Variants in PARD3 observed in about 807,000 individuals in gnomAD.
PARD3 encodes partitioning defective 3 homolog.
A neutral mutation model predicts 155.4 loss-of-function variants in PARD3; 75 were observed. That is an observed-to-expected ratio of 0.48 (90% CI 0.40 to 0.58). The LOEUF is 0.58. Among genes scored for constraint, PARD3 ranks in the 20% least tolerant of loss-of-function variants. The pLI is 0.00. For synonymous variants in PARD3, 576 were observed against 610.5 expected (o/e 0.94, Z 0.83); for missense variants, 1,642 against 1,721.7 (o/e 0.95, Z 0.82).
chr10:34,696,162 A>G (rs930281487), intron 2 of PARD3, among the ~76,000 whole-genome samples, 156 bp downstream of exon 2: 1 of 152,134 alleles, frequency 6.6e-6, no homozygotes, highest in African/African-American at 2.4e-5. Context: ...GTGAAGATTC[A>G]TGATACTTAT....
intron 1 of PARD3, among the ~76,000 whole-genome samples, chr10:34,728,696 A>G (rs2094761933): frequency 6.6e-6 from 1 of 152,164 alleles, no homozygotes. Flanking sequence ...GCAGAATACA[A>G]CCATTTCTGT....
chr10:34,199,084 T>A (rs1951088659), intron 22 of PARD3, among the ~76,000 whole-genome samples: 1 of 152,132 alleles, frequency 6.6e-6, no homozygotes. Flanking sequence ...GGACATTACA[T>A]GGCAGGATCC....
intron 5 of PARD3, among the ~76,000 whole-genome samples, chr10:34,442,578 A>G (rs2076522617): frequency 6.6e-6 from 1 of 152,228 alleles, no homozygotes. Context: ...AAAAAAAGAA[A>G]GAAAGAAAAT....
chr10:34,761,998 G>A (rs922089218), intron 1 of PARD3, among the ~76,000 whole-genome samples: 2 of 151,880 alleles, frequency 1.3e-5, no homozygotes, highest in Non-Finnish European at 2.9e-5. Context: ...AGCCACAAAA[G>A]AGCATTCAAT....
intron 4 of PARD3, among the ~76,000 whole-genome samples, chr10:34,459,627 T>C (rs1201161390): frequency 6.6e-6 from 1 of 152,138 alleles, no homozygotes; most frequent in Non-Finnish European, 1.5e-5. Context: ...ATACTTATAG[T>C]GGTTGCCTAA....
chr10:34,145,485 A>AT (rs1315689907), intron 22 of PARD3, among the ~76,000 whole-genome samples: 1 of 151,454 alleles, frequency 6.6e-6, no homozygotes, highest in Admixed American at 6.6e-5. Context: ...CTTTCTCACT[A>AT]TACTGCTCTT....
chr10:34,482,719 T>C (rs1399523625), intron 3 of PARD3, among the ~76,000 whole-genome samples: 2 of 151,950 alleles, frequency 1.3e-5, no homozygotes, highest in Non-Finnish European at 2.9e-5. Flanking sequence ...CATACCTTAA[T>C]GAGCAATGAG....
intron 2 of PARD3, among the ~76,000 whole-genome samples, chr10:34,584,910 C>T (rs2087863859): frequency 6.6e-6 from 1 of 152,074 alleles, no homozygotes; most frequent in African/African-American, 2.4e-5. Flanking sequence ...TTTATCCATC[C>T]CCAGAAACAT....
chr10:34,698,829 C>T (rs550446436), intron 1 of PARD3, among the ~76,000 whole-genome samples: 3 of 152,340 alleles, frequency 2.0e-5, no homozygotes, highest in South Asian at 4.1e-4. Context: ...TTTGTTGACA[C>T]TACTTTACCT....
intron 2 of PARD3, among the ~76,000 whole-genome samples, chr10:34,661,006 T>A (rs960456331): frequency 6.6e-6 from 1 of 152,306 alleles, no homozygotes; most frequent in Non-Finnish European, 1.5e-5. Flanking sequence ...GTTACTTTTT[T>A]AAAAATAGAA....
intron 13 of PARD3, 129 bp from the exon 14 acceptor site, chr10:34,359,446 TGGA>T: frequency 1.5e-6 from 1 of 656,266 alleles, no homozygotes; most frequent in Non-Finnish European, 2.6e-6. Context: ...TTAATCCTAA[TGGA>T]TTATGCCCAA....
intron 23 of PARD3, among the ~76,000 whole-genome samples, chr10:34,124,149 A>C (rs1947154954): frequency 6.6e-6 from 1 of 152,242 alleles, no homozygotes; most frequent in Non-Finnish European, 1.5e-5. Flanking sequence ...TCCTTAAATT[A>C]TGAATGATAA....
chr10:34,224,820 C>T (rs1952505178), intron 22 of PARD3, among the ~76,000 whole-genome samples: 1 of 152,148 alleles, frequency 6.6e-6, no homozygotes, highest in Admixed American at 6.5e-5. Flanking sequence ...AGCACTTATC[C>T]ATCATCCTGT....
intron 10 of PARD3, among the ~76,000 whole-genome samples, chr10:34,376,052 G>C (rs1841201317): frequency 6.6e-6 from 1 of 151,944 alleles, no homozygotes; most frequent in Non-Finnish European, 1.5e-5. Context: ...TCAAACAAAA[G>C]AAAGTGAAAA....
chr10:34,122,033 C>T (rs993342071), intron 23 of PARD3, among the ~76,000 whole-genome samples: 2 of 152,210 alleles, frequency 1.3e-5, no homozygotes, highest in African/African-American at 4.8e-5. Context: ...TTTCTTGTCA[C>T]GGTGAGCAAT....
At chr10:34,239,781 C>G (rs565812816) in intron 22 of PARD3, among the ~76,000 whole-genome samples, 1 of 138,694 alleles carries the variant, frequency 7.2e-6, no homozygotes, top group African/African-American at 2.8e-5. Flanking sequence ...CTAGCCTGGG[C>G]AATGGAGTGA....
At chr10:34,494,972 C>T (rs2080172819) in intron 3 of PARD3, among the ~76,000 whole-genome samples, 1 of 152,054 alleles carries the variant, frequency 6.6e-6, no homozygotes, top group South Asian at 2.1e-4. Flanking sequence ...TCAGACATTC[C>T]ACACTAGGAA....
At chr10:34,592,636 C>CGTG (rs911025025) in intron 2 of PARD3, among the ~76,000 whole-genome samples, 3 of 152,004 alleles carry the variant, frequency 2.0e-5, no homozygotes. Context: ...ATTAGCCGAG[C>CGTG]GTGGTGGCAC....
At chr10:34,711,469 C>T in intron 1 of PARD3, among the ~76,000 whole-genome samples, 1 of 151,594 alleles carries the variant, frequency 6.6e-6, no homozygotes, top group East Asian at 2.0e-4. Context: ...TGCAGTGAGC[C>T]AAGACGGTGC....
Sources: allele counts gnomAD v4.1 joint callset (sites outside exome capture counted in the v4.1 genomes callset), GRCh38; gene constraint gnomAD v4.1.1; transcripts MANE v1.5; gene names NCBI Gene and HGNC (gene_info 2026-07-23, HGNC 2026-07-21).